TNRC18: variants seen among roughly 807,000 people sequenced by gnomAD.
TNRC18 encodes trinucleotide repeat containing 18.
A neutral mutation model predicts 226.7 loss-of-function variants in TNRC18; 69 were observed. The ratio of observed to expected loss-of-function variants is 0.30; its 90% confidence interval spans 0.25 to 0.37. TNRC18 has a LOEUF of 0.37. TNRC18 is among the 10% of genes least tolerant of loss of function. The pLI is 1.00. For missense variants in TNRC18, 4,754 were observed against 4,256.6 expected (o/e 1.12, Z -3.25); for synonymous variants, 2,449 against 1,927.6 (o/e 1.27, Z -7.09).
At position 5,370,607 on chromosome 7, in the gene TNRC18, G is replaced by A; in HGVS notation, c.3987C>T (p.Asp1329=). The change falls in exon 11 of 30, where the codon GAC becomes GAT. Residue 1329 remains aspartate (D), a synonymous_variant. Transcript: ENST00000430969. ...GGTCCTCCAGACTGGGCAGGAACTG[G>A]TCAGAGCTTGCCTCTTCCAGGAAGC... ...STCFLEEASS[D]QFLPSLEDPL... is the part of the protein sequence containing the mutation. The A allele has an allele frequency of 1.2e-6, 2 of 1,613,344 alleles. No individual in the cohort carries two copies. The highest frequency in any genetic ancestry group is 2.2e-5 in the East Asian group (1 of 44,876).
intron 14 of TNRC18, among the ~76,000 whole-genome samples, chr7:5,360,533 GTACTTATTTTTTTA>G (rs1792927551): frequency 6.6e-6 from 1 of 152,102 alleles, no homozygotes; most frequent in South Asian, 2.1e-4. Flanking sequence ...GCCAACCTGT[GTACTTATTTTTTTA>G]TAGATGAGAA....
At chr7:5,392,975 G>GCA (rs1406951537) in intron 3 of TNRC18, among the ~76,000 whole-genome samples, 7 of 151,894 alleles carry the variant, frequency 4.6e-5, no homozygotes, top group African/African-American at 1.4e-4. Flanking sequence ...TTGCACCACT[G>GCA]CACTCCAGTC....
At chr7:5,410,310 C>CA (rs1157425008) in intron 2 of TNRC18, among the ~76,000 whole-genome samples, 1,247 of 65,430 alleles carry the variant, frequency 0.019, 12 homozygotes, top group African/African-American at 0.031. Flanking sequence ...GACTCTGTCT[C>CA]AAAAAAAAAA....
chr7:5,405,753 A>C (rs1223638629), intron 2 of TNRC18, among the ~76,000 whole-genome samples: 1 of 152,008 alleles, frequency 6.6e-6, no homozygotes, highest in Admixed American at 6.6e-5. Context: ...CAAAAACAAA[A>C]AATAAAAATA....
intron 18 of TNRC18, among the ~76,000 whole-genome samples, chr7:5,343,789 T>C (rs1339774705): frequency 6.6e-6 from 1 of 152,214 alleles, no homozygotes; most frequent in Non-Finnish European, 1.5e-5. Context: ...TACTGCACAC[T>C]TAATAGGCAA....
intron 11 of TNRC18, among the ~76,000 whole-genome samples, chr7:5,366,194 C>T (rs553744665): frequency 2.1e-4 from 32 of 152,064 alleles, no homozygotes; most frequent in Non-Finnish European, 3.7e-4. Context: ...GAGTCCCTGC[C>T]TTTACCCACT....
intron 2 of TNRC18, among the ~76,000 whole-genome samples, chr7:5,411,701 G>C (rs543049906): frequency 6.6e-6 from 1 of 152,024 alleles, no homozygotes; most frequent in Non-Finnish European, 1.5e-5. Context: ...AACAGGAAAC[G>C]GGAAGGCAAG....
At chr7:5,308,997 C>T in intron 28 of TNRC18, 48 bp from the exon 29 acceptor site, 1 of 1,562,486 alleles carries the variant, frequency 6.4e-7, no homozygotes, top group Non-Finnish European at 8.7e-7. Context: ...GGGGCTGCTG[C>T]ACCCGACCCC....
chr7:5,373,835 C>T (rs1169585102), intron 10 of TNRC18, among the ~76,000 whole-genome samples: 2 of 152,064 alleles, frequency 1.3e-5, no homozygotes, highest in Admixed American at 1.3e-4. Flanking sequence ...ATATTACACC[C>T]ATTTCCCTGA....
At chr7:5,362,565 C>T in intron 12 of TNRC18, 85 bp downstream of exon 12, 1 of 1,338,318 alleles carries the variant, frequency 7.5e-7, no homozygotes, top group Non-Finnish European at 1.0e-6. Flanking sequence ...GCCAGCCACG[C>T]CCCAGGCAGT....
In TNRC18 at chr7:5,421,122, C is replaced by T; in HGVS notation, c.125G>A (p.Gly42Asp). 1.4e-6 allele frequency: 2 copies of T among 1,460,756 alleles called. No homozygotes were observed. Among genetic ancestry groups the T allele is most frequent in the East Asian group, 2.6e-5 (1 of 39,048 alleles). 90.5% of individuals were successfully genotyped at this position (1,460,756 alleles called of 1,614,324 possible). A position where few individuals can be genotyped will look rare whatever the true frequency, so the allele number is the denominator to read the frequency against. Residue 42 changes from glycine to aspartate, a missense_variant, in exon 2 of 30, where the codon GGC becomes GAC. Transcript: ENST00000430969. Reference sequence around the variant, plus strand: ...CCCGGGCGGCAGCGGGCCGGGCAAGCCCGAGGCGGGCAAGCGTCCGGCAGT... The same window carrying T: ...CCCGGGCGGCAGCGGGCCGGGCAAGTCCGAGGCGGGCAAGCGTCCGGCAGT... ...AATAGRLPAS[G>D]LPGPLPPGKY...
chr7:5,310,704 G>C (rs1217049158), intron 27 of TNRC18, among the ~76,000 whole-genome samples: 1 of 152,240 alleles, frequency 6.6e-6, no homozygotes, highest in African/African-American at 2.4e-5. Context: ...CTGGGCAAGA[G>C]AGACTTGAAA....
chr7:5,368,664 C>CAA (rs534524701), intron 11 of TNRC18, among the ~76,000 whole-genome samples: 159 of 82,404 alleles, frequency 1.9e-3, no homozygotes, highest in African/African-American at 3.3e-3. Context: ...GACTCTGTCT[C>CAA]AAAAAAAAAA....
chr7:5,359,651 G>T, intron 14 of TNRC18, 82 bp from the exon 15 acceptor site: 1 of 1,556,260 alleles, frequency 6.4e-7, no homozygotes, highest in South Asian at 1.1e-5. Flanking sequence ...GCCCTGAAGG[G>T]TTGGGCTCTG....
At chr7:5,351,459 G>C (rs1297993100) in intron 17 of TNRC18, among the ~76,000 whole-genome samples, 2 of 151,364 alleles carry the variant, frequency 1.3e-5, no homozygotes, top group East Asian at 3.9e-4. Flanking sequence ...GGGGTCTCTG[G>C]GTGGGCAGAA....
At chr7:5,407,095 C>A (rs1031100266) in intron 2 of TNRC18, 1 of 152,226 alleles carries the variant, frequency 6.6e-6, no homozygotes, top group Non-Finnish European at 1.5e-5. Flanking sequence ...GTCTGGGGCA[C>A]CCCCACACTC....
rs751282009 is a variant in TNRC18, at chr7:5,377,292, G to C, written c.2461+79C>G. 58 of 1,389,140 alleles carry C rather than the reference G, an allele frequency of 4.2e-5. 1 individual carries two copies. The highest frequency in any genetic ancestry group is 2.6e-4 in the Middle Eastern group (1 of 3,782). 86.1% of individuals were successfully genotyped at this position (1,389,140 alleles called of 1,614,324 possible). A position where few individuals can be genotyped will look rare whatever the true frequency, so the allele number is the denominator to read the frequency against. On this transcript the variant is annotated intron_variant, in intron 7 of 29. Transcript: ENST00000430969. This position sits in a 1 kb window ranked among gnomAD's most constrained non-coding sequence, Gnocchi z 5.8. ...CCCAGGAAACGGCAGGCAGGAGCCA[G>C]CCCTGAGCTCTTGTCCTGCACCCGC...
chr7:5,350,328 A>T (rs917365999), intron 17 of TNRC18, among the ~76,000 whole-genome samples: 1 of 151,404 alleles, frequency 6.6e-6, no homozygotes, highest in Non-Finnish European at 1.5e-5. Context: ...ACTCCTCGCC[A>T]TACCACCTCC....
At chr7:5,363,789 G>A (rs1345297970) in intron 11 of TNRC18, among the ~76,000 whole-genome samples, 1 of 151,884 alleles carries the variant, frequency 6.6e-6, no homozygotes, top group Non-Finnish European at 1.5e-5. Flanking sequence ...TTTTTCCATA[G>A]TGAATATGCA....
Sources: allele counts gnomAD v4.1 joint callset (sites outside exome capture counted in the v4.1 genomes callset), GRCh38; gene constraint gnomAD v4.1.1; non-coding constraint Gnocchi (gnomAD v3.1); transcripts MANE v1.5; gene names NCBI Gene and HGNC (gene_info 2026-07-23, HGNC 2026-07-21).